LRRC52: variants seen among roughly 807,000 people sequenced by gnomAD.
The protein encoded by LRRC52 is leucine-rich repeat-containing protein 52.
LRRC52 carries 15 observed loss-of-function variants against 14.7 expected under a neutral mutation model. The ratio of observed to expected loss-of-function variants is 1.02; its 90% CI spans 0.68 to 1.58. The LOEUF is 1.58. Ranked by LOEUF, LRRC52 falls within the 40% of genes most tolerant of loss-of-function variation. LRRC52 has a pLI of 0.00. For missense variants in LRRC52, 400 were observed against 387.7 expected (o/e 1.03, Z -0.27); for synonymous variants, 180 against 163.9 (o/e 1.10, Z -0.75).
intron 1 of LRRC52, among the ~76,000 whole-genome samples, chr1:165,560,133 G>T (rs577179666): frequency 2.4e-4 from 36 of 152,334 alleles, no homozygotes; most frequent in African/African-American, 7.7e-4. Context: ...AGTGGCCCTG[G>T]CTGGGAATAC....
rs773269360 is a variant in LRRC52 at position 165,544,359 on chromosome 1, A to T, written c.63A>T (p.Val21=). The change falls in exon 1 of 2, where the codon GTA becomes GTT. Residue 21 remains valine (V), a synonymous_variant. Coordinates refer to ENST00000294818, the MANE Select transcript of LRRC52 (RefSeq NM_001005214.4). The part of the protein sequence containing the change: ...WLLFSFGMGL[V]SGSKCPNNCL... ...TCTTTTCCTTTGGAATGGGGCTGGT[A>T]TCAGGGTCAAAGTGTCCAAATAATT... 3.5e-5 allele frequency: 56 copies of T among 1,613,962 alleles called. No homozygotes were observed. The South Asian group carries it at 5.5e-4, about 16-fold the overall frequency.
At chr1:165,561,597 G>T (rs1661345378) in intron 1 of LRRC52, among the ~76,000 whole-genome samples, 1 of 152,238 alleles carries the variant, frequency 6.6e-6, no homozygotes, top group South Asian at 2.1e-4. Flanking sequence ...CTACTTGAGA[G>T]CTCTCTGGTG....
intron 1 of LRRC52, among the ~76,000 whole-genome samples, chr1:165,562,767 A>G (rs1375247940): frequency 4.6e-5 from 7 of 152,140 alleles, no homozygotes; most frequent in Non-Finnish European, 1.0e-4. Flanking sequence ...TGAGTCAGCT[A>G]CTAAGACTGA....
intron 1 of LRRC52, among the ~76,000 whole-genome samples, chr1:165,550,787 T>A (rs1661114986): frequency 6.6e-6 from 1 of 152,152 alleles, no homozygotes; most frequent in African/African-American, 2.4e-5. Flanking sequence ...TTGAATAAGA[T>A]AATCTAGGAT....
rs367686135 is a variant in LRRC52 at position 165,544,462 on chromosome 1, C to T, written c.166C>T (p.Arg56Trp). The T allele has an allele frequency of 2.5e-6, 4 of 1,614,174 alleles. No homozygotes were observed. The highest frequency in any genetic ancestry group is 1.1e-5 in the South Asian group (1 of 91,070). The change falls in exon 1 of 2, where the codon CGG becomes TGG. Residue 56 changes from arginine to tryptophan, a missense_variant. Coordinates refer to ENST00000294818, the MANE Select transcript of LRRC52 (RefSeq NM_001005214.4). ...CCCCCTTGACATACCCCTGAACACC[C>T]GGAGGCTGTTCCTGAACGAGAACAG... Reference protein sequence around the residue: ...EYPLDIPLNTRRLFLNENRIT... With the variant: ...EYPLDIPLNTWRLFLNENRIT...
rs1195153958 is a variant in LRRC52 at position 165,544,281 on chromosome 1, G to C, written c.-16G>C. 6.2e-7 allele frequency: 1 copy of C among 1,607,178 alleles called. No individual in the cohort carries two copies. The highest frequency in any genetic ancestry group is 1.7e-5 in the Admixed American group (1 of 59,674). ...CCCGCAGGAAGGTGAAAGGAGGGTG[G>C]TTGTGGCTTCTTACTATGTCCCTTG... On this transcript the variant is annotated 5_prime_UTR_variant, in exon 1 of 2. Coordinates refer to ENST00000294818, the MANE Select transcript of LRRC52 (RefSeq NM_001005214.4).
chr1:165,562,731 G>A (rs1199432927), intron 1 of LRRC52, among the ~76,000 whole-genome samples: 1 of 152,116 alleles, frequency 6.6e-6, no homozygotes, highest in African/African-American at 2.4e-5. Context: ...CATATGGGGA[G>A]GTGCTCAGAG....
Position 165,544,438 on chromosome 1 carries a change from C to A in LRRC52, c.142C>A (p.Pro48Thr). Residue 48 changes from proline to threonine, a missense_variant, in exon 1 of 2, where the codon CCC becomes ACC. Transcript: ENST00000294818. ...CACAGGGAAGCAGTTAACCGAATAC[C>A]CCCTTGACATACCCCTGAACACCCG... is the stretch of plus-strand genomic sequence containing the variant. ...ICTGKQLTEY[P>T]LDIPLNTRRL... 2 of 1,614,074 alleles carry A rather than the reference C, an allele frequency of 1.2e-6. No individual in the cohort carries two copies. Among genetic ancestry groups the A allele is most frequent in the Non-Finnish European group, 1.7e-6 (2 of 1,180,016 alleles).
rs1487935926 is a variant in LRRC52, at chr1:165,544,874, T to C, written c.578T>C (p.Leu193Pro). The change falls in exon 1 of 2, where the codon CTG (leucine) becomes CCG (proline). Residue 193 changes from leucine (L) to proline (P), a missense_variant. Transcript: ENST00000294818. ...CCCTGGAAGTGCAACTGCTCTTTCC[T>C]GGACTTCGCCATCTTCTTAATAGTG... ...GNPWKCNCSF[L>P]DFAIFLIVFH... 4 of 1,613,980 alleles carry C rather than the reference T, an allele frequency of 2.5e-6. No individual in the cohort carries two copies. Among genetic ancestry groups the C allele is most frequent in the Non-Finnish European group, 3.4e-6 (4 of 1,179,948 alleles).
At chr1:165,562,688 T>C (rs545016658) in intron 1 of LRRC52, among the ~76,000 whole-genome samples, 1 of 152,292 alleles carries the variant, frequency 6.6e-6, no homozygotes, top group Admixed American at 6.5e-5. Flanking sequence ...AGCCCACTTT[T>C]CTTTCTGTTA....
chr1:165,563,769 G>A lies in LRRC52; in HGVS notation c.887G>A (p.Arg296Gln), dbSNP rs751985362. 21 of 1,614,068 alleles carry A rather than the reference G, an allele frequency of 1.3e-5. 1 individual carries two copies. The Admixed American group carries it at 2.0e-4, about 15-fold the overall frequency. ...GCCGGGACTAGGGTGGAAGTCAGCCGGCGGATTTTTCAAACCCAGACGAGC... is the reference window on the plus strand; with the variant it reads ...GCCGGGACTAGGGTGGAAGTCAGCCAGCGGATTTTTCAAACCCAGACGAGC... ...DEAGTRVEVSRRIFQTQTSSV... is the reference protein window; with the variant it reads ...DEAGTRVEVSQRIFQTQTSSV... Residue 296 changes from arginine to glutamine, a missense_variant, in exon 2 of 2, where the codon CGG becomes CAG. Transcript: ENST00000294818.
Position 165,559,548 on chromosome 1 carries a change from G to T in LRRC52, c.623-3957G>T, listed in dbSNP as rs189459771. On this transcript the variant is annotated intron_variant, in intron 1 of 1. Coordinates refer to ENST00000294818, the MANE Select transcript of LRRC52 (RefSeq NM_001005214.4). The stretch of plus-strand genomic sequence containing the variant: ...GTTTATAAATAAAAAGTCAATAAGG[G>T]TATAGAAAATCAGTACACCACCACA... Among the ~76,000 whole-genome samples, 3 of 152,202 alleles carry T rather than the reference G, an allele frequency of 2.0e-5. No individual in the cohort carries two copies. In the East Asian group the frequency reaches 5.8e-4, roughly 29 times the overall value.
chr1:165,556,743 A>G (rs2101830985), intron 1 of LRRC52, among the ~76,000 whole-genome samples: 1 of 152,342 alleles, frequency 6.6e-6, no homozygotes, highest in South Asian at 2.1e-4. Context: ...GGAGCTCCAG[A>G]AAGGCAAAGG....
intron 1 of LRRC52, among the ~76,000 whole-genome samples, chr1:165,556,730 A>G (rs1336459726): frequency 6.6e-6 from 1 of 152,236 alleles, no homozygotes; most frequent in Non-Finnish European, 1.5e-5. Context: ...GCAATGAGTA[A>G]GTGGAGCTCC....
At chr1:165,546,498 A>G (rs928576103) in intron 1 of LRRC52, among the ~76,000 whole-genome samples, 3 of 152,208 alleles carry the variant, frequency 2.0e-5, no homozygotes, top group African/African-American at 4.8e-5. Context: ...AAGAGGTTCA[A>G]TATTAATCAT....
In LRRC52 at chr1:165,563,760, A is replaced by T; in HGVS notation, c.878A>T (p.Glu293Val). ...EDEDEAGTRV[E>V]VSRRIFQTQT... is the part of the protein sequence containing the mutation. ...GAGGACGAGGCCGGGACTAGGGTGGAAGTCAGCCGGCGGATTTTTCAAACC... is the reference window on the plus strand; with the variant it reads ...GAGGACGAGGCCGGGACTAGGGTGGTAGTCAGCCGGCGGATTTTTCAAACC... Residue 293 changes from glutamate (E) to valine (V), a missense_variant, in exon 2 of 2, where the codon GAA becomes GTA. Transcript: ENST00000294818. 3 of 1,614,184 alleles carry T rather than the reference A, an allele frequency of 1.9e-6. No individual in the cohort carries two copies. Among genetic ancestry groups the T allele is most frequent in the Non-Finnish European group, 2.5e-6 (3 of 1,180,032 alleles).
chr1:165,547,944 C>A (rs1343987774), intron 1 of LRRC52, among the ~76,000 whole-genome samples: 1 of 152,148 alleles, frequency 6.6e-6, no homozygotes, highest in African/African-American at 2.4e-5. Context: ...GTCTCTGCTA[C>A]GTGGAAATAT....
chr1:165,557,920 C>T (rs1035076297), intron 1 of LRRC52, among the ~76,000 whole-genome samples: 1 of 152,198 alleles, frequency 6.6e-6, no homozygotes, highest in East Asian at 1.9e-4. Flanking sequence ...CACAGGGGCT[C>T]GAGCAACCTG....
chr1:165,544,409 T>C lies in LRRC52; in HGVS notation c.113T>C (p.Ile38Thr), dbSNP rs1344976120. 1.4e-5 allele frequency: 22 copies of C among 1,613,920 alleles called. No homozygotes were observed. Among genetic ancestry groups the C allele is most frequent in the African/African-American group, 4.0e-5 (3 of 74,852 alleles). ...NNCLCQAQEV[I>T]CTGKQLTEYP... Reference sequence around the variant, plus strand: ...TGTCTGTGTCAAGCCCAAGAAGTAATCTGCACAGGGAAGCAGTTAACCGAA... The same window carrying C: ...TGTCTGTGTCAAGCCCAAGAAGTAACCTGCACAGGGAAGCAGTTAACCGAA... The change falls in exon 1 of 2, where the codon ATC (isoleucine) becomes ACC (threonine). Residue 38 changes from isoleucine (I) to threonine (T), a missense_variant. Physicochemically the swap from Ile to Thr is moderately conservative, Grantham distance 89. Coordinates refer to ENST00000294818, the MANE Select transcript of LRRC52 (RefSeq NM_001005214.4).
Sources: gnomAD v4.1 joint callset for allele counts (sites outside exome capture counted in the v4.1 genomes callset) on GRCh38, gnomAD v4.1.1 for gene constraint, MANE v1.5 for transcripts, NCBI Gene and HGNC (gene_info 2026-07-23, HGNC 2026-07-21) for gene names.